Variants in RANBP2 observed in about 807,000 individuals in gnomAD.
The protein encoded by RANBP2 is RAN binding protein 2.
Under a neutral mutation model 303.6 loss-of-function variants are expected in RANBP2, and 57 were observed. The observed-to-expected ratio is 0.19, with a 90% CI of 0.15 to 0.23. The LOEUF is 0.23. Among genes scored for constraint, RANBP2 ranks in the 10% least tolerant of loss-of-function variants. RANBP2 has a pLI of 1.00. For synonymous variants in RANBP2, 1,167 were observed against 1,301.5 expected, an observed-to-expected ratio of 0.90 and a Z score of 2.23; for missense variants, 3,138 against 3,780.8, an observed-to-expected ratio of 0.83 and a Z score of 4.46.
chr2:108,788,113 G>A, downstream of RANBP2: 1 of 1,599,758 alleles, frequency 6.3e-7, no homozygotes, highest in South Asian at 1.1e-5. Context: ...TTGTATATTT[G>A]GGGGTTTCAA....
At chr2:109,538,495 G>A in the RANBP2 span, among the ~76,000 whole-genome samples, 1 of 152,250 alleles carries the variant, frequency 6.6e-6, no homozygotes, top group South Asian at 2.1e-4. Flanking sequence ...AGTTATCTCA[G>A]CCTGACCTTC....
At chr2:109,420,870 T>C in the RANBP2 span, among the ~76,000 whole-genome samples, 1 of 152,226 alleles carries the variant, frequency 6.6e-6, no homozygotes, top group African/African-American at 2.4e-5. Context: ...AACACCAGCC[T>C]TTCTTAAGTG....
At chr2:108,914,229 T>C in the RANBP2 span, among the ~76,000 whole-genome samples, 1 of 151,798 alleles carries the variant, frequency 6.6e-6, no homozygotes, top group Admixed American at 6.6e-5. Flanking sequence ...CACTGCACTC[T>C]AGCCTGGGCA....
chr2:109,436,352 A>G, the RANBP2 span, among the ~76,000 whole-genome samples: 1 of 152,174 alleles, frequency 6.6e-6, no homozygotes. Flanking sequence ...TCATCTGGAA[A>G]CTTCGGAGTG....
the RANBP2 span, among the ~76,000 whole-genome samples, chr2:109,007,924 T>C: frequency 6.6e-6 from 1 of 152,298 alleles, no homozygotes; most frequent in African/African-American, 2.4e-5. Context: ...GAGAACCACG[T>C]TGGGGCCAGA....
At chr2:109,659,236 G>T in the RANBP2 span, among the ~76,000 whole-genome samples, 1 of 151,950 alleles carries the variant, frequency 6.6e-6, no homozygotes, top group Non-Finnish European at 1.5e-5. Flanking sequence ...AACTAGCTGG[G>T]CGTGGTGGTG....
the RANBP2 span, among the ~76,000 whole-genome samples, chr2:109,542,488 G>C: frequency 6.6e-6 from 1 of 152,162 alleles, no homozygotes; most frequent in Non-Finnish European, 1.5e-5. Flanking sequence ...GAGTTAAGGA[G>C]AGCTGCTTTA....
the RANBP2 span, among the ~76,000 whole-genome samples, chr2:109,300,223 A>C: frequency 6.6e-6 from 1 of 152,104 alleles, no homozygotes; most frequent in African/African-American, 2.4e-5. Flanking sequence ...TCTTTGAGAT[A>C]GAGTCTCACT....
chr2:109,480,388 G>A, the RANBP2 span, among the ~76,000 whole-genome samples: 7 of 152,312 alleles, frequency 4.6e-5, no homozygotes, highest in South Asian at 1.5e-3. Context: ...GTTCAAGGGT[G>A]CATGGCTGGT....
At chr2:109,589,133 TTTG>T in the RANBP2 span, among the ~76,000 whole-genome samples, 2 of 151,990 alleles carry the variant, frequency 1.3e-5, no homozygotes, top group Admixed American at 1.3e-4. Context: ...TTGTTGTTGG[TTTG>T]TTTTGTTTTT....
chr2:108,721,964 C>T (rs1455766096), intron 1 of RANBP2, among the ~76,000 whole-genome samples: 2 of 151,688 alleles, frequency 1.3e-5, no homozygotes, highest in Non-Finnish European at 2.9e-5. Context: ...TCTCCAACTC[C>T]TGGGCTCAAG....
At chr2:109,494,170 A>C in the RANBP2 span, among the ~76,000 whole-genome samples, 1 of 152,202 alleles carries the variant, frequency 6.6e-6, no homozygotes, top group Non-Finnish European at 1.5e-5. Flanking sequence ...CTCAATAAAA[A>C]GTATTGAAAG....
the RANBP2 span, among the ~76,000 whole-genome samples, chr2:109,396,158 G>C: frequency 4.0e-3 from 616 of 152,316 alleles, 1 homozygote; most frequent in African/African-American, 0.014. Context: ...AGAACACTGG[G>C]GTCCAGAAAG....
the RANBP2 span, among the ~76,000 whole-genome samples, chr2:109,315,866 A>T: frequency 6.6e-6 from 1 of 152,214 alleles, no homozygotes; most frequent in South Asian, 2.1e-4. Context: ...TGATCTAGGC[A>T]TCAAAGCCAC....
the RANBP2 span, among the ~76,000 whole-genome samples, chr2:109,147,253 G>A: frequency 1.3e-5 from 2 of 152,106 alleles, no homozygotes; most frequent in African/African-American, 2.4e-5. Context: ...AGGTTTGCTC[G>A]AAAGATGTAA....
chr2:108,760,293 A>T (rs1342934323), intron 18 of RANBP2, among the ~76,000 whole-genome samples: 2 of 152,160 alleles, frequency 1.3e-5, no homozygotes, highest in Non-Finnish European at 2.9e-5. Context: ...ATTTTTTATG[A>T]GATTGTTACC....
the RANBP2 span, chr2:109,546,172 C>A: frequency 1.2e-6 from 2 of 1,609,814 alleles, no homozygotes; most frequent in Non-Finnish European, 1.7e-6. Context: ...AAAGTCTTCT[C>A]TTTTCTTCAA....
At chr2:108,822,528 C>T in the RANBP2 span, among the ~76,000 whole-genome samples, 1 of 152,192 alleles carries the variant, frequency 6.6e-6, no homozygotes, top group Non-Finnish European at 1.5e-5. Context: ...GTACATGGAA[C>T]ATCCTCCAGA....
the RANBP2 span, among the ~76,000 whole-genome samples, chr2:109,721,699 T>C: frequency 6.6e-6 from 1 of 152,210 alleles, no homozygotes; most frequent in African/African-American, 2.4e-5. Context: ...TTTCTTTCAG[T>C]ATTTTATTTT....
Sources: gnomAD v4.1 joint callset for allele counts (sites outside exome capture counted in the v4.1 genomes callset) on GRCh38, gnomAD v4.1.1 for gene constraint, MANE v1.5 for transcripts, NCBI Gene and HGNC (gene_info 2026-07-23, HGNC 2026-07-21) for gene names.